SLC35E3: variants seen among roughly 807,000 people sequenced by gnomAD.
The protein encoded by SLC35E3 is solute carrier family 35 member E3.
SLC35E3 carries 28 observed loss-of-function variants against 30.8 expected under a neutral mutation model. The observed-to-expected ratio is 0.91, with a 90% CI of 0.67 to 1.25. The LOEUF (loss-of-function observed/expected upper bound fraction) is 1.25, where lower values mean the gene tolerates loss of function less well. Among genes scored for constraint, SLC35E3 ranks in the 50% most tolerant of loss-of-function variants. SLC35E3 has a pLI of 0.00. For missense variants in SLC35E3, 365 were observed against 375.4 expected (o/e 0.97, Z 0.23); for synonymous variants, 146 against 149.2 (o/e 0.98, Z 0.16).
chr12:68,763,602 A>T (rs1034960542), intron 4 of SLC35E3, among the ~76,000 whole-genome samples: 1 of 152,116 alleles, frequency 6.6e-6, no homozygotes, highest in African/African-American at 2.4e-5. Flanking sequence ...TTGGTCAAGC[A>T]GGTCTCGAAC....
At chr12:68,747,872 A>T in intron 1 of SLC35E3, 58 bp from the exon 2 acceptor site, 1 of 829,718 alleles carries the variant, frequency 1.2e-6, no homozygotes. Context: ...TGAAAGGAAT[A>T]CTAAATTTTT....
At chr12:68,756,037 T>C (rs1408544075) in intron 3 of SLC35E3, among the ~76,000 whole-genome samples, 2 of 152,184 alleles carry the variant, frequency 1.3e-5, no homozygotes, top group Non-Finnish European at 2.9e-5. Flanking sequence ...CCAAAGTCTG[T>C]GTTCTCCAGT....
chr12:68,762,168 C>T (rs377655535), intron 4 of SLC35E3, among the ~76,000 whole-genome samples: 25 of 152,164 alleles, frequency 1.6e-4, no homozygotes, highest in East Asian at 3.9e-4. Flanking sequence ...TCAAAGGTGA[C>T]GTCTCAGCAG....
chr12:68,749,108 C>T (rs1049060431), intron 2 of SLC35E3, among the ~76,000 whole-genome samples: 2 of 152,184 alleles, frequency 1.3e-5, no homozygotes, highest in East Asian at 1.9e-4. Context: ...ACTCCTTATA[C>T]GTAATAGATT....
intron 3 of SLC35E3, among the ~76,000 whole-genome samples, chr12:68,754,010 C>T (rs1176022875): frequency 6.6e-6 from 1 of 152,056 alleles, no homozygotes; most frequent in Non-Finnish European, 1.5e-5. Context: ...CCACGCCCAG[C>T]TAATTTTTGT....
chr12:68,774,448 T>A lies in SLC35E3; in HGVS notation c.*9558T>A, dbSNP rs1879683421. On this transcript the variant is annotated 3_prime_UTR_variant, in exon 5 of 5. Transcript: ENST00000398004. Reference sequence around the variant, plus strand: ...TACAAAATTAGCTGGGCGTAGTGGCTTATGCCTGTAACCCCAGCTACTCGG... The same window carrying A: ...TACAAAATTAGCTGGGCGTAGTGGCATATGCCTGTAACCCCAGCTACTCGG... The A allele has an allele frequency of 6.6e-6, 1 of 152,086 alleles. No homozygotes were observed. Among genetic ancestry groups the A allele is most frequent in the Non-Finnish European group, 1.5e-5 (1 of 68,186 alleles). 9.4% of individuals were successfully genotyped at this position (152,086 alleles called of 1,614,324 possible).
At chr12:68,757,175 T>C (rs1049691820) in intron 3 of SLC35E3, among the ~76,000 whole-genome samples, 2 of 152,156 alleles carry the variant, frequency 1.3e-5, no homozygotes, top group African/African-American at 4.8e-5. Context: ...TCAGCCAACA[T>C]AATACTGAAT....
At position 68,746,508 on chromosome 12, in the gene SLC35E3, T is replaced by A; in HGVS notation, c.131T>A (p.Met44Lys). The A allele has an allele frequency of 1.2e-6, 2 of 1,614,248 alleles. No homozygotes were observed. The highest frequency in any genetic ancestry group is 1.7e-6 in the Non-Finnish European group (2 of 1,180,028). ...WIYVYHGFPNMSLTLVHFVVT... is the reference protein window; with the variant it reads ...WIYVYHGFPNKSLTLVHFVVT... Reference sequence around the variant, plus strand: ...TATGTGTACCACGGCTTCCCCAACATGAGCCTGACCCTGGTGCACTTCGTG... The same window carrying A: ...TATGTGTACCACGGCTTCCCCAACAAGAGCCTGACCCTGGTGCACTTCGTG... The change falls in exon 1 of 5, where the codon ATG becomes AAG. Residue 44 changes from methionine (M) to lysine (K), a missense_variant. Met to Lys is a moderately conservative substitution (Grantham distance 95, BLOSUM62 -1). Coordinates refer to ENST00000398004, the MANE Select transcript of SLC35E3 (RefSeq NM_018656.5).
Position 68,746,244 on chromosome 12 carries a change from T to G in SLC35E3, c.-134T>G. 2.5e-6 allele frequency: 2 copies of G among 801,046 alleles called. No individual in the cohort carries two copies. The highest frequency in any genetic ancestry group is 1.8e-5 in the South Asian group (1 of 54,904). The allele number at this position is 801,046 out of a possible 1,614,324, so 49.6% of individuals were successfully genotyped here. A position where few individuals can be genotyped will look rare whatever the true frequency, so the allele number is the denominator to read the frequency against. ...GTTAAGAGTGCTACTCGCCCGGGGT[T>G]GATCTGTGCATGCCACTCCTGGGTC... On this transcript the variant is annotated 5_prime_UTR_variant, in exon 1 of 5. Transcript: ENST00000398004.
In SLC35E3 at chr12:68,756,728, G is replaced by A. The variant is rs570736759; in HGVS notation, c.673-2429G>A. Among the ~76,000 whole-genome samples the A allele has an allele frequency of 3.3e-5, 5 of 152,284 alleles. No individual in the cohort carries two copies. In the South Asian group the frequency reaches 6.2e-4, roughly 19 times the overall value. On this transcript the variant is annotated intron_variant, in intron 3 of 4. Coordinates refer to ENST00000398004, the MANE Select transcript of SLC35E3 (RefSeq NM_018656.5). Reference sequence around the variant, plus strand: ...ACAAAAATCACATGATCGGCCAGGCGCAGTGGCTCACCCCTGTAATCCCAG... The same window carrying A: ...ACAAAAATCACATGATCGGCCAGGCACAGTGGCTCACCCCTGTAATCCCAG...
chr12:68,746,904 C>T (rs1198480503), intron 1 of SLC35E3, 125 bp downstream of exon 1: 12 of 1,078,670 alleles, frequency 1.1e-5, no homozygotes, highest in Non-Finnish European at 1.6e-5. Context: ...CATCTGTGGG[C>T]ATGTGAACTT....
intron 2 of SLC35E3, 92 bp downstream of exon 2, chr12:68,748,132 C>A: frequency 1.4e-6 from 1 of 728,892 alleles, no homozygotes; most frequent in Non-Finnish European, 2.4e-6. Context: ...AGTATAGAGA[C>A]AATAGACTGT....
chr12:68,759,163 G>A lies in SLC35E3; in HGVS notation c.679G>A (p.Val227Met), dbSNP rs1472575477. The change falls in exon 4 of 5, where the codon GTG (valine) becomes ATG (methionine). Residue 227 changes from valine to methionine, a missense_variant. Val to Met is a conservative substitution (Grantham distance 21). Transcript: ENST00000398004. ...GPWSVSALLM[V>M]LLSGVIAFMV... ...TCTTTTGGTTTATTTGTAGCTTATGGTGCTGCTATCTGGAGTAATAGCTTT... is the reference window on the plus strand; with the variant it reads ...TCTTTTGGTTTATTTGTAGCTTATGATGCTGCTATCTGGAGTAATAGCTTT... 1.2e-6 allele frequency: 2 copies of A among 1,610,942 alleles called. No individual in the cohort carries two copies. The highest frequency in any genetic ancestry group is 1.3e-5 in the African/African-American group (1 of 74,940).
At chr12:68,753,840 A>G (rs1878902946) in intron 3 of SLC35E3, among the ~76,000 whole-genome samples, 1 of 140,682 alleles carries the variant, frequency 7.1e-6, no homozygotes, top group African/African-American at 2.8e-5. Flanking sequence ...ACACACCCCA[A>G]TTAAACATCT....
rs531640256 is a variant in SLC35E3, at chr12:68,747,968, C to G, written c.441C>G (p.Tyr147Ter). Reference sequence around the variant, plus strand: ...TAGGTGTAATCCTAAATTCTTATTACGATGTGAAGTTTAATTTCCTTGGAA... The same window carrying G: ...TAGGTGTAATCCTAAATTCTTATTAGGATGTGAAGTTTAATTTCCTTGGAA... ...ITLGVILNSY[Y>*]DVKFNFLGMV... The change falls in exon 2 of 5, where the codon TAC becomes TAG. Residue 147 changes from tyrosine to a stop codon, truncating the protein, a stop_gained. Transcript: ENST00000398004. LOFTEE classifies it high-confidence loss of function. 1 of 1,606,434 alleles carries G rather than the reference C, an allele frequency of 6.2e-7. No homozygotes were observed. Among genetic ancestry groups the G allele is most frequent in the Non-Finnish European group, 8.5e-7 (1 of 1,173,806 alleles).
At chr12:68,759,563 G>A (rs1055176519) in intron 4 of SLC35E3, among the ~76,000 whole-genome samples, 2 of 152,056 alleles carry the variant, frequency 1.3e-5, no homozygotes, top group Non-Finnish European at 2.9e-5. Flanking sequence ...AATTAGCTGG[G>A]TAAGGTGGTG....
At chr12:68,758,811 G>A (rs374012467) in intron 3 of SLC35E3, among the ~76,000 whole-genome samples, 31 of 131,412 alleles carry the variant, frequency 2.4e-4, no homozygotes, top group Admixed American at 1.4e-3. Context: ...GCGTGATCTC[G>A]GCTCACTGCA....
chr12:68,747,944 AG>A lies in SLC35E3; in HGVS notation c.419del (p.Gly140ValfsTer2). ...IQLTLIPITL[G>X]VILNSYYDVK... is the part of the protein sequence containing the mutation. ...TTTCGTTACAGATTCCTATAACTTT[AG>A]GTGTAATCCTAAATTCTTATTACGA... On this transcript the variant is annotated frameshift_variant, in exon 2 of 5. Coordinates refer to ENST00000398004, the MANE Select transcript of SLC35E3 (RefSeq NM_018656.5). LOFTEE classifies it high-confidence loss of function. 3.2e-6 allele frequency: 5 copies of A among 1,572,842 alleles called. No individual in the cohort carries two copies. In the South Asian group the frequency reaches 5.6e-5, roughly 18 times the overall value.
Position 68,775,096 on chromosome 12 carries a change from T to G in SLC35E3, c.*10206T>G, listed in dbSNP as rs1879705431. On this transcript the variant is annotated 3_prime_UTR_variant, in exon 5 of 5. Transcript: ENST00000398004. ...CCTGGGTTCAAGTGATCCTCCTGCC[T>G]CAGCCTCCCAAAGTGCTGATATTAC... The G allele has an allele frequency of 6.6e-6, 1 of 152,130 alleles. No individual in the cohort carries two copies. The highest frequency in any genetic ancestry group is 2.1e-4 in the South Asian group (1 of 4,818). 9.4% of individuals were successfully genotyped at this position (152,130 alleles called of 1,614,324 possible).
Sources: gnomAD v4.1 joint callset for allele counts (sites outside exome capture counted in the v4.1 genomes callset) on GRCh38, gnomAD v4.1.1 for gene constraint, MANE v1.5 for transcripts, NCBI Gene and HGNC (gene_info 2026-07-23, HGNC 2026-07-21) for gene names.